JMJD1C: variants seen among roughly 807,000 people sequenced by gnomAD.
JMJD1C encodes jumonji domain containing 1C, also known as jumonji domain-containing protein 1C.
A neutral mutation model predicts 245.3 loss-of-function variants in JMJD1C; 31 were observed. That is an observed-to-expected ratio of 0.13 (90% CI 0.09 to 0.17). JMJD1C has a LOEUF of 0.17. JMJD1C is among the 10% of genes least tolerant of loss of function. The probability of loss-of-function intolerance (pLI) is 1.00; values close to 1 mark genes in which losing one functional copy is unlikely to be tolerated. For synonymous variants in JMJD1C, 1,057 were observed against 1,017.4 expected, an observed-to-expected ratio of 1.04 and a Z score of -0.74; for missense variants, 2,691 against 3,000.2, an observed-to-expected ratio of 0.90 and a Z score of 2.41.
intron 2 of JMJD1C, among the ~76,000 whole-genome samples, chr10:63,276,481 AAAAG>A (rs1203378300): frequency 1.3e-5 from 2 of 151,640 alleles, no homozygotes; most frequent in East Asian, 3.9e-4. Context: ...AAAAAAAAAA[AAAAG>A]ACCAGCCTGG....
chr10:63,381,120 T>C (rs1387918316), intron 1 of JMJD1C, among the ~76,000 whole-genome samples: 1 of 152,228 alleles, frequency 6.6e-6, no homozygotes, highest in Non-Finnish European at 1.5e-5. Context: ...TTTGCAGCAG[T>C]ATGAATAGAA....
At chr10:63,403,790 G>T (rs1261998996) in intron 1 of JMJD1C, among the ~76,000 whole-genome samples, 1 of 152,116 alleles carries the variant, frequency 6.6e-6, no homozygotes, top group Non-Finnish European at 1.5e-5. Context: ...ATACAAAAAG[G>T]CCGGGCGTGG....
intron 1 of JMJD1C, among the ~76,000 whole-genome samples, chr10:63,425,035 T>C (rs1036380629): frequency 3.3e-5 from 5 of 152,142 alleles, no homozygotes; most frequent in Admixed American, 6.5e-5. Context: ...TCTACTCTAT[T>C]ACACATAAAC....
chr10:63,515,869 G>C (rs773582645), intron 1 of JMJD1C, among the ~76,000 whole-genome samples: 7 of 151,946 alleles, frequency 4.6e-5, no homozygotes, highest in Non-Finnish European at 1.0e-4. Flanking sequence ...CCTCTGTCAG[G>C]TTTTACAAAT....
chr10:63,356,243 AC>A (rs1944834791), intron 2 of JMJD1C, among the ~76,000 whole-genome samples: 1 of 152,192 alleles, frequency 6.6e-6, no homozygotes, highest in Non-Finnish European at 1.5e-5. Context: ...GACAAACTTT[AC>A]CTACAAACAC....
At chr10:63,369,427 G>C (rs1946118693) in intron 2 of JMJD1C, among the ~76,000 whole-genome samples, 1 of 152,128 alleles carries the variant, frequency 6.6e-6, no homozygotes, top group Admixed American at 6.6e-5. Context: ...ACAGGCGTTT[G>C]CTACCGTGCC....
At chr10:63,264,965 T>A (rs1855349721) in intron 2 of JMJD1C, among the ~76,000 whole-genome samples, 1 of 152,122 alleles carries the variant, frequency 6.6e-6, no homozygotes. Context: ...ACAAACTAGA[T>A]CTACATGTGA....
At chr10:63,291,822 G>A (rs1858758674) in intron 2 of JMJD1C, among the ~76,000 whole-genome samples, 1 of 152,076 alleles carries the variant, frequency 6.6e-6, no homozygotes, top group Non-Finnish European at 1.5e-5. Context: ...CTATAATAAA[G>A]CTGGGTTTAC....
chr10:63,462,496 T>C (rs550204832), intron 1 of JMJD1C, among the ~76,000 whole-genome samples: 1 of 152,210 alleles, frequency 6.6e-6, no homozygotes, highest in Admixed American at 6.5e-5. Context: ...TTACATTACA[T>C]GGCAAAGGAG....
chr10:63,351,347 C>T (rs1049607362), intron 2 of JMJD1C, among the ~76,000 whole-genome samples: 3 of 152,138 alleles, frequency 2.0e-5, no homozygotes, highest in Admixed American at 6.5e-5. Flanking sequence ...CTCGGCCTCC[C>T]AAAGTGCTGG....
At chr10:63,230,166 A>G (rs1849784140) in intron 3 of JMJD1C, among the ~76,000 whole-genome samples, 1 of 152,210 alleles carries the variant, frequency 6.6e-6, no homozygotes, top group South Asian at 2.1e-4. Flanking sequence ...TGAGATCAGG[A>G]GTTCGAGACC....
intron 1 of JMJD1C, among the ~76,000 whole-genome samples, chr10:63,433,885 C>T (rs1343219206): frequency 7.0e-5 from 10 of 141,914 alleles, no homozygotes; most frequent in South Asian, 2.2e-4. Flanking sequence ...CTGGCCCATA[C>T]GATATAAATT....
At chr10:63,411,665 C>T (rs1325666413) in intron 1 of JMJD1C, among the ~76,000 whole-genome samples, 2 of 146,058 alleles carry the variant, frequency 1.4e-5, no homozygotes, top group Non-Finnish European at 3.0e-5. Flanking sequence ...TGCAGTGGCA[C>T]AACTTTGGCT....
chr10:63,325,307 A>C (rs535596648), intron 2 of JMJD1C, among the ~76,000 whole-genome samples: 2 of 152,284 alleles, frequency 1.3e-5, no homozygotes, highest in African/African-American at 2.4e-5. Flanking sequence ...AGAATACTAG[A>C]ATAGGGTTTC....
chr10:63,431,123 T>C (rs1030832164), intron 1 of JMJD1C, among the ~76,000 whole-genome samples: 35 of 152,204 alleles, frequency 2.3e-4, no homozygotes, highest in Non-Finnish European at 1.0e-4. Context: ...TCAGGGATTA[T>C]AGACTTTATA....
intron 2 of JMJD1C, among the ~76,000 whole-genome samples, chr10:63,343,949 G>C (rs546816028): frequency 2.6e-5 from 4 of 151,964 alleles, no homozygotes; most frequent in Non-Finnish European, 5.9e-5. Flanking sequence ...GAGGTGGGAG[G>C]ATCACTTGGG....
intron 1 of JMJD1C, among the ~76,000 whole-genome samples, chr10:63,491,620 C>T (rs573870172): frequency 5.9e-5 from 9 of 152,256 alleles, no homozygotes; most frequent in African/African-American, 2.2e-4. Flanking sequence ...TCTTTAAGAG[C>T]CCTTCTTTAT....
At chr10:63,495,541 G>A (rs1466187785) in intron 1 of JMJD1C, among the ~76,000 whole-genome samples, 2 of 152,098 alleles carry the variant, frequency 1.3e-5, no homozygotes, top group Non-Finnish European at 2.9e-5. Flanking sequence ...GGAAGCCGAG[G>A]CGGGCAGATC....
chr10:63,461,556 A>G (rs1412338610), intron 1 of JMJD1C, among the ~76,000 whole-genome samples: 2 of 152,242 alleles, frequency 1.3e-5, no homozygotes, highest in African/African-American at 4.8e-5. Flanking sequence ...AATATTATTC[A>G]TATTTAAGAC....
Sources: gnomAD v4.1 joint callset for allele counts (sites outside exome capture counted in the v4.1 genomes callset) on GRCh38, gnomAD v4.1.1 for gene constraint, MANE v1.5 for transcripts, NCBI Gene and HGNC (gene_info 2026-07-23, HGNC 2026-07-21) for gene names.